JAK2: variants seen among roughly 807,000 people sequenced by gnomAD.
JAK2 encodes Janus kinase 2.
A neutral mutation model predicts 139.3 loss-of-function variants in JAK2; 86 were observed. That is an observed-to-expected ratio of 0.62 (90% CI 0.52 to 0.74). The LOEUF (loss-of-function observed/expected upper bound fraction) is 0.74. Ranked by LOEUF, JAK2 falls within the 30% of genes least tolerant of loss-of-function variation. JAK2 has a pLI of 0.00. For synonymous variants in JAK2, 490 were observed against 437.7 expected, an observed-to-expected ratio of 1.12 and a Z score of -1.49; for missense variants, 1,421 against 1,360.3, an observed-to-expected ratio of 1.04 and a Z score of -0.70.
intron 22 of JAK2, among the ~76,000 whole-genome samples, chr9:5,102,727 G>A (rs779468339): frequency 6.6e-6 from 1 of 152,166 alleles, no homozygotes; most frequent in Non-Finnish European, 1.5e-5. Context: ...GAAGAGAGTG[G>A]AGGCCAATAT....
intron 22 of JAK2, chr9:5,114,147 G>A (rs1822915600): frequency 4.5e-5 from 18 of 397,776 alleles, no homozygotes; most frequent in South Asian, 4.0e-4. Flanking sequence ...CACCTTTGAG[G>A]ACAGTGCCAA....
chr9:5,026,690 G>A (rs912951762), intron 3 of JAK2, among the ~76,000 whole-genome samples: 9 of 152,098 alleles, frequency 5.9e-5, no homozygotes, highest in Admixed American at 4.6e-4. Context: ...TTGAGTTCAC[G>A]TGATTGTTGT....
intron 19 of JAK2, among the ~76,000 whole-genome samples, chr9:5,087,656 T>G (rs894518288): frequency 2.6e-5 from 4 of 152,242 alleles, no homozygotes; most frequent in Non-Finnish European, 5.9e-5. Flanking sequence ...AAAAGTATAA[T>G]GATCATTGTT....
In JAK2 at chr9:5,077,554, C is replaced by T. The variant is rs2130583116; in HGVS notation, c.1966C>T (p.Gln656Ter). ...NILWKLEVAK[Q>*]LAWAMHFLEE... The stretch of plus-strand genomic sequence containing the variant: ...ATTATGGAAACTTGAAGTTGCTAAA[C>T]AGTTGGCATGGGCCATGCATTTTCT... Residue 656 changes from glutamine to a stop codon, truncating the protein, a stop_gained, in exon 15 of 25, where the codon CAG (glutamine) becomes TAG (stop). Coordinates refer to ENST00000381652, the MANE Select transcript of JAK2 (RefSeq NM_004972.4). LOFTEE classifies it high-confidence loss of function. 1.3e-6 allele frequency: 2 copies of T among 1,491,416 alleles called. No individual in the cohort carries two copies. The highest frequency in any genetic ancestry group is 1.8e-6 in the Non-Finnish European group (2 of 1,121,284). The allele number at this position is 1,491,416 out of a possible 1,614,324, so 92.4% of individuals were successfully genotyped here. A position where few individuals can be genotyped will look rare whatever the true frequency, so the allele number is the denominator to read the frequency against.
intron 19 of JAK2, among the ~76,000 whole-genome samples, chr9:5,083,586 T>G (rs763042479): frequency 6.6e-6 from 1 of 152,144 alleles, no homozygotes; most frequent in Non-Finnish European, 1.5e-5. Flanking sequence ...TTGCTTGCCC[T>G]TTTTTTCCTT....
At chr9:5,126,509 T>G in intron 24 of JAK2, 63 bp downstream of exon 24, 1 of 1,144,322 alleles carries the variant, frequency 8.7e-7, no homozygotes, top group East Asian at 2.4e-5. Context: ...CTCAAGGACT[T>G]CAGTTCACTT....
intron 2 of JAK2, among the ~76,000 whole-genome samples, chr9:5,008,774 TA>T (rs1278227190): frequency 1.3e-5 from 2 of 152,240 alleles, no homozygotes; most frequent in Non-Finnish European, 2.9e-5. Context: ...CCAGCATCTT[TA>T]ACACCAATAA....
At chr9:5,116,528 A>C (rs1052474597) in intron 22 of JAK2, among the ~76,000 whole-genome samples, 3 of 152,166 alleles carry the variant, frequency 2.0e-5, no homozygotes, top group Non-Finnish European at 4.4e-5. Flanking sequence ...AATTGTTTTT[A>C]TTGTTTTCAG....
rs1011074495 is a variant in JAK2 at position 5,041,743 on chromosome 9, C to G, written c.351-2660C>G. On this transcript the variant is annotated intron_variant, in intron 4 of 24. Transcript: ENST00000381652. The stretch of plus-strand genomic sequence containing the variant: ...GGGCTCGGGAAGCCCTTGGCGACCC[C>G]CATCAGCAGTGTCCACACCGACCTG... 2.3e-4 allele frequency: 112 copies of G among 492,258 alleles called. 1 individual carries two copies. Among genetic ancestry groups the G allele is most frequent in the Middle Eastern group, 1.3e-3 (4 of 3,070 alleles). The allele number at this position is 492,258 out of a possible 1,614,324, so 30.5% of individuals were successfully genotyped here.
intron 3 of JAK2, 124 bp downstream of exon 3, chr9:5,022,337 T>G: frequency 1.7e-6 from 1 of 595,602 alleles, no homozygotes; most frequent in Middle Eastern, 4.5e-4. Context: ...CTGGCGTGTG[T>G]GTTTTCACAT....
At chr9:5,050,874 G>T in intron 6 of JAK2, 43 bp downstream of exon 6, 4 of 1,500,376 alleles carry the variant, frequency 2.7e-6, no homozygotes, top group Non-Finnish European at 3.7e-6. Flanking sequence ...TGTGAGTAGA[G>T]ATTTTATATA....
chr9:5,062,309 G>A (rs1205217689), intron 8 of JAK2, among the ~76,000 whole-genome samples: 1 of 151,758 alleles, frequency 6.6e-6, no homozygotes, highest in African/African-American at 2.4e-5. Context: ...TATTCTGAGG[G>A]ACAACTGTAC....
chr9:5,112,862 C>T (rs1168771366), intron 22 of JAK2: 7 of 459,654 alleles, frequency 1.5e-5, no homozygotes, highest in Middle Eastern at 5.6e-4. Context: ...GGTACGCCTC[C>T]GTGGGACGAG....
intron 22 of JAK2, among the ~76,000 whole-genome samples, chr9:5,119,753 A>G (rs1207994285): frequency 6.6e-6 from 1 of 152,294 alleles, no homozygotes; most frequent in East Asian, 1.9e-4. Flanking sequence ...GAAAATCAGA[A>G]ATAACTTATT....
chr9:5,062,500 TAAAAAAA>T lies in JAK2; in HGVS notation c.1057-2358_1057-2352del, dbSNP rs58424625. On this transcript the variant is annotated intron_variant, in intron 8 of 24. Coordinates refer to ENST00000381652, the MANE Select transcript of JAK2 (RefSeq NM_004972.4). ...AAGTTTGTCAGAAACCTTCCATTTGTAAAAAAAAAAAAAAAAAAAAAAAAAAAAAAAG... is the reference window on the plus strand; with the variant it reads ...AAGTTTGTCAGAAACCTTCCATTTGTAAAAAAAAAAAAAAAAAAAAAAAAG... Among the ~76,000 whole-genome samples, 48 of 58,246 alleles carry T rather than the reference TAAAAAAA, an allele frequency of 8.2e-4. 1 individual carries two copies. The highest frequency in any genetic ancestry group is 4.5e-3 in the African/African-American group (43 of 9,596). 38.2% of individuals were successfully genotyped at this position (58,246 alleles called of 152,430 possible).
At chr9:5,053,887 A>C (rs906377493) in intron 6 of JAK2, among the ~76,000 whole-genome samples, 4 of 152,064 alleles carry the variant, frequency 2.6e-5, no homozygotes, top group African/African-American at 9.7e-5. Context: ...GATTGGAAGA[A>C]AGATTAGCAT....
chr9:5,042,080 C>T (rs1364167493), intron 4 of JAK2: 3 of 220,372 alleles, frequency 1.4e-5, no homozygotes, highest in African/African-American at 2.4e-5. Flanking sequence ...GCCCCATCCC[C>T]GGGACGAGGG....
At position 5,129,637 on chromosome 9, in the gene JAK2, A is replaced by G. The variant is rs1824214956; in HGVS notation, c.*2846A>G. ...TGAGATAAGCTTGATTTAAGAAAAAAACAATTAAAGTATGAATATCAGAAA... is the reference window on the plus strand; with the variant it reads ...TGAGATAAGCTTGATTTAAGAAAAAGACAATTAAAGTATGAATATCAGAAA... On this transcript the variant is annotated 3_prime_UTR_variant, in exon 25 of 25. Transcript: ENST00000381652. Among the ~76,000 whole-genome samples the G allele has an allele frequency of 6.6e-6, 1 of 152,182 alleles. No individual in the cohort carries two copies.
chr9:5,050,652 C>A (rs753153345), intron 5 of JAK2, 34 bp from the exon 6 acceptor site: 1 of 1,584,850 alleles, frequency 6.3e-7, no homozygotes, highest in Non-Finnish European at 8.6e-7. Context: ...ATGAAACTTA[C>A]GATGAGATAT....
Sources: gnomAD v4.1 joint callset for allele counts (sites outside exome capture counted in the v4.1 genomes callset) on GRCh38, gnomAD v4.1.1 for gene constraint, MANE v1.5 for transcripts, NCBI Gene and HGNC (gene_info 2026-07-23, HGNC 2026-07-21) for gene names.